NUDCD3: variants seen among roughly 807,000 people sequenced by gnomAD.
NUDCD3 encodes NudC domain containing 3, also known as nudC domain-containing protein 3.
NUDCD3 carries 13 observed loss-of-function variants against 39.7 expected under a neutral mutation model. The ratio of observed to expected loss-of-function variants is 0.33; its 90% CI spans 0.21 to 0.52. The LOEUF is 0.52. NUDCD3 is among the 20% of genes least tolerant of loss of function. The pLI is 0.96. For synonymous variants in NUDCD3, 175 were observed against 172.4 expected, an observed-to-expected ratio of 1.02 and a Z score of -0.12; for missense variants, 453 against 458.1, an observed-to-expected ratio of 0.99 and a Z score of 0.10.
intron 2 of NUDCD3, among the ~76,000 whole-genome samples, chr7:44,469,115 C>CAAAAAAAAAA (rs756247647): frequency 6.1e-5 from 2 of 32,862 alleles, no homozygotes; most frequent in African/African-American, 2.8e-4. Context: ...ACAAACAAAC[C>CAAAAAAAAAA]AAAAAAAAAA....
At chr7:44,485,352 TG>T in intron 1 of NUDCD3, 68 bp from the exon 2 acceptor site, 1 of 1,347,426 alleles carries the variant, frequency 7.4e-7, no homozygotes, top group South Asian at 1.5e-5. Context: ...CTTGTAGAAA[TG>T]TCGTAAAATC....
chr7:44,404,741 A>G (rs1232766724), intron 3 of NUDCD3, among the ~76,000 whole-genome samples, 158 bp from the exon 4 acceptor site: 1 of 150,740 alleles, frequency 6.6e-6, no homozygotes, highest in Non-Finnish European at 1.5e-5. Context: ...ATACCAGCCT[A>G]ATTTATACCT....
chr7:44,411,321 G>GTA (rs1396860715), intron 3 of NUDCD3, among the ~76,000 whole-genome samples: 6 of 152,030 alleles, frequency 3.9e-5, no homozygotes, highest in African/African-American at 1.5e-4. Context: ...TCAAAGAGTA[G>GTA]TATCAAGAAA....
chr7:44,403,493 T>C (rs1339436150), intron 4 of NUDCD3, among the ~76,000 whole-genome samples: 2 of 152,160 alleles, frequency 1.3e-5, no homozygotes, highest in Non-Finnish European at 2.9e-5. Flanking sequence ...AGAGTCAAGG[T>C]TGGTCCAGGT....
chr7:44,465,266 G>A (rs941862468), intron 2 of NUDCD3, among the ~76,000 whole-genome samples: 34 of 152,054 alleles, frequency 2.2e-4, no homozygotes, highest in Admixed American at 1.3e-4. Flanking sequence ...TCATTCTCCC[G>A]TAATTCCACC....
At chr7:44,448,430 C>T (rs919860661) in intron 2 of NUDCD3, among the ~76,000 whole-genome samples, 4 of 152,130 alleles carry the variant, frequency 2.6e-5, no homozygotes, top group African/African-American at 9.7e-5. Flanking sequence ...CCCGAGGCGC[C>T]GGAGAGATAG....
chr7:44,476,868 G>A (rs1800381546), intron 2 of NUDCD3, among the ~76,000 whole-genome samples: 1 of 152,190 alleles, frequency 6.6e-6, no homozygotes, highest in South Asian at 2.1e-4. Flanking sequence ...GGGGAAAGCG[G>A]AGGGATGAAC....
At chr7:44,461,218 T>C (rs1049711681) in intron 2 of NUDCD3, among the ~76,000 whole-genome samples, 1 of 152,232 alleles carries the variant, frequency 6.6e-6, no homozygotes, top group African/African-American at 2.4e-5. Flanking sequence ...CCAGGAAGTA[T>C]TTCTGACATT....
At chr7:44,487,965 T>A (rs10229908) in intron 1 of NUDCD3, among the ~76,000 whole-genome samples, 26 of 142,862 alleles carry the variant, frequency 1.8e-4, no homozygotes, top group African/African-American at 6.5e-4. Context: ...AAATAAAAAA[T>A]AAAAAAATAA....
chr7:44,410,923 G>A (rs7787918), intron 3 of NUDCD3, among the ~76,000 whole-genome samples: 7,527 of 152,170 alleles, frequency 0.049, 659 homozygotes, highest in African/African-American at 0.17. Flanking sequence ...CCAAGATCGC[G>A]TCACTGCACT....
chr7:44,402,580 G>A, intron 4 of NUDCD3: 1 of 454,626 alleles, frequency 2.2e-6, no homozygotes, highest in Non-Finnish European at 4.4e-6. Flanking sequence ...AGTGACTAAG[G>A]CTTTGGGCTT....
intron 2 of NUDCD3, among the ~76,000 whole-genome samples, chr7:44,428,376 C>T (rs1294415556): frequency 6.6e-6 from 1 of 151,570 alleles, no homozygotes; most frequent in African/African-American, 2.4e-5. Context: ...GCGGAGGTTG[C>T]AGGTTGCAGT....
At chr7:44,400,969 T>C (rs1798711375) in intron 4 of NUDCD3, among the ~76,000 whole-genome samples, 1 of 152,204 alleles carries the variant, frequency 6.6e-6, no homozygotes, top group Non-Finnish European at 1.5e-5. Context: ...TCACTTTCTT[T>C]AGCCATTCCC....
At chr7:44,438,051 G>A (rs1328335051) in intron 2 of NUDCD3, among the ~76,000 whole-genome samples, 1 of 152,062 alleles carries the variant, frequency 6.6e-6, no homozygotes, top group Non-Finnish European at 1.5e-5. Flanking sequence ...CCATAAATAT[G>A]TCAATATAAG....
In NUDCD3 at chr7:44,490,605, C is replaced by A. The variant is rs1278358368; in HGVS notation, c.-5G>T. 1 of 1,601,032 alleles carries A rather than the reference C, an allele frequency of 6.2e-7. No homozygotes were observed. The highest frequency in any genetic ancestry group is 1.3e-5 in the African/African-American group (1 of 74,498). On this transcript the variant is annotated 5_prime_UTR_variant, in exon 1 of 6. Transcript: ENST00000355451. ...CTCGGCCGCCCCTGTCTCCATGTCG[C>A]CTCCCGCCCTAGGTACGCTTCACAC...
At chr7:44,392,867 G>C (rs1798546618) in intron 4 of NUDCD3, among the ~76,000 whole-genome samples, 1 of 151,968 alleles carries the variant, frequency 6.6e-6, no homozygotes, top group African/African-American at 2.4e-5. Context: ...CCCACACCAG[G>C]ACCTGTCCTG....
chr7:44,421,426 CAA>C (rs1395241316), intron 3 of NUDCD3, among the ~76,000 whole-genome samples: 1 of 127,304 alleles, frequency 7.9e-6, no homozygotes, highest in African/African-American at 3.0e-5. Flanking sequence ...ATCTCATGTG[CAA>C]AGACACACAT....
chr7:44,468,520 A>G (rs1800181474), intron 2 of NUDCD3, among the ~76,000 whole-genome samples: 1 of 152,066 alleles, frequency 6.6e-6, no homozygotes, highest in African/African-American at 2.4e-5. Flanking sequence ...TAAAAGGGGG[A>G]AAAAGACTAG....
intron 4 of NUDCD3, among the ~76,000 whole-genome samples, chr7:44,395,308 T>C (rs1386082523): frequency 1.3e-5 from 2 of 152,230 alleles, no homozygotes; most frequent in Non-Finnish European, 2.9e-5. Context: ...AAGGGGGCCA[T>C]CCTCACTCAC....
Sources: gnomAD v4.1 joint callset for allele counts (sites outside exome capture counted in the v4.1 genomes callset) on GRCh38, gnomAD v4.1.1 for gene constraint, MANE v1.5 for transcripts, NCBI Gene and HGNC (gene_info 2026-07-23, HGNC 2026-07-21) for gene names.